Variants in PDE10A observed in about 807,000 individuals in gnomAD.
PDE10A encodes phosphodiesterase 10A.
A neutral mutation model predicts 97.7 loss-of-function variants in PDE10A; 39 were observed. The observed-to-expected ratio is 0.40, with a 90% CI of 0.31 to 0.52. The LOEUF (loss-of-function observed/expected upper bound fraction) is 0.52, where lower values mean the gene tolerates loss of function less well. PDE10A is among the 20% of genes least tolerant of loss of function. The pLI, the probability that PDE10A is intolerant of heterozygous loss-of-function variation, is 0.56. For synonymous variants in PDE10A, 371 were observed against 376.8 expected, an observed-to-expected ratio of 0.98 and a Z score of 0.18; for missense variants, 731 against 1,047.8, an observed-to-expected ratio of 0.70 and a Z score of 4.17.
intron 2 of PDE10A, among the ~76,000 whole-genome samples, chr6:165,525,111 T>C (rs1039942920): frequency 1.3e-5 from 2 of 152,142 alleles, no homozygotes; most frequent in African/African-American, 2.4e-5. Context: ...TCTAGACCTA[T>C]AATAGTCTGA....
chr6:165,815,673 G>T (rs762998894), intron 1 of PDE10A, among the ~76,000 whole-genome samples: 1 of 152,062 alleles, frequency 6.6e-6, no homozygotes, highest in Non-Finnish European at 1.5e-5. Flanking sequence ...CTTTTTTTCT[G>T]GTTTTTCCCC....
At chr6:165,942,322 A>G (rs576889813) in intron 1 of PDE10A, among the ~76,000 whole-genome samples, 77 of 151,496 alleles carry the variant, frequency 5.1e-4, no homozygotes, top group African/African-American at 1.4e-3. Flanking sequence ...ATATATGCGC[A>G]CACACACACA....
chr6:165,602,259 C>T (rs555240240), intron 1 of PDE10A, among the ~76,000 whole-genome samples: 2 of 152,300 alleles, frequency 1.3e-5, no homozygotes, highest in East Asian at 3.9e-4. Flanking sequence ...TCCTGTCTTC[C>T]TAGTTCTAAT....
At chr6:165,861,138 C>G (rs1319291113) in intron 1 of PDE10A, among the ~76,000 whole-genome samples, 1 of 152,208 alleles carries the variant, frequency 6.6e-6, no homozygotes, top group East Asian at 1.9e-4. Flanking sequence ...CAACTGGAAA[C>G]AGCATTGATG....
At chr6:165,721,601 C>A (rs1459774213) in intron 1 of PDE10A, among the ~76,000 whole-genome samples, 1 of 152,170 alleles carries the variant, frequency 6.6e-6, no homozygotes, top group Non-Finnish European at 1.5e-5. Flanking sequence ...GATGCTTTTT[C>A]TGGTAAACAG....
Position 165,330,743 on chromosome 6 carries a change from T to C in PDE10A, c.*2282A>G, listed in dbSNP as rs1247123040. The stretch of plus-strand genomic sequence containing the variant: ...GATTCCTAACTCCATAATTATTTTC[T>C]ATATTAAAAAACAGAATTCATACAT... On this transcript the variant is annotated 3_prime_UTR_variant, in exon 22 of 22. Coordinates refer to ENST00000539869, the MANE Select transcript of PDE10A (RefSeq NM_001385079.1). 1 of 152,180 alleles carries C rather than the reference T, an allele frequency of 6.6e-6. No homozygotes were observed. Among genetic ancestry groups the C allele is most frequent in the Non-Finnish European group, 1.5e-5 (1 of 68,008 alleles). 9.4% of individuals were successfully genotyped at this position (152,180 alleles called of 1,614,324 possible). A position where few individuals can be genotyped will look rare whatever the true frequency, so the allele number is the denominator to read the frequency against.
intron 10 of PDE10A, among the ~76,000 whole-genome samples, chr6:165,419,447 G>C (rs3778249): frequency 1.3e-5 from 2 of 152,000 alleles, no homozygotes; most frequent in East Asian, 3.9e-4. Context: ...CCCATTGTAC[G>C]TATTAGGAAA....
chr6:165,465,631 T>G (rs1049565514), intron 3 of PDE10A, among the ~76,000 whole-genome samples: 18 of 152,234 alleles, frequency 1.2e-4, no homozygotes, highest in East Asian at 9.7e-4. Context: ...AAACTTACAA[T>G]CATAGTGGAA....
rs143511478 is a variant in PDE10A, at chr6:165,606,817, C to T, written c.865+55130G>A. Among the ~76,000 whole-genome samples the T allele has an allele frequency of 2.8e-4, 43 of 152,060 alleles. No homozygotes were observed. The East Asian group carries it at 5.4e-3, about 19-fold the overall frequency. On this transcript the variant is annotated intron_variant, in intron 1 of 21. Coordinates refer to ENST00000539869, the MANE Select transcript of PDE10A (RefSeq NM_001385079.1). The stretch of plus-strand genomic sequence containing the variant: ...ACTGGACCATGGAGTGCGTGCAGTG[C>T]GTGCAGGGGCTTAGGTGGAAGAACA...
At chr6:165,970,373 T>C (rs1784632193) in intron 1 of PDE10A, among the ~76,000 whole-genome samples, 1 of 152,206 alleles carries the variant, frequency 6.6e-6, no homozygotes, top group African/African-American at 2.4e-5. Context: ...TTGGTAGTTG[T>C]AAGGTGATCA....
At chr6:165,497,452 A>G (rs1420271782) in intron 2 of PDE10A, among the ~76,000 whole-genome samples, 1 of 152,220 alleles carries the variant, frequency 6.6e-6, no homozygotes, top group Non-Finnish European at 1.5e-5. Context: ...ATGAATATAT[A>G]TACTAGTATA....
chr6:165,382,774 C>A (rs943510179), intron 17 of PDE10A, among the ~76,000 whole-genome samples: 4 of 151,978 alleles, frequency 2.6e-5, no homozygotes, highest in African/African-American at 7.3e-5. Context: ...TCTACCAGTA[C>A]AACTTCCACA....
chr6:165,626,384 T>C (rs1296091157), intron 1 of PDE10A, among the ~76,000 whole-genome samples: 1 of 152,216 alleles, frequency 6.6e-6, no homozygotes, highest in Admixed American at 6.5e-5. Context: ...ATGCAGATTA[T>C]TGATGTTAAC....
chr6:165,485,669 T>C (rs1779872772), intron 2 of PDE10A, among the ~76,000 whole-genome samples: 2 of 150,706 alleles, frequency 1.3e-5, no homozygotes, highest in Admixed American at 1.3e-4. Context: ...CTCAGCTCAC[T>C]GCAACCTCTG....
Position 165,656,236 on chromosome 6 carries a change from A to ACT in PDE10A, c.865+5709_865+5710dup, listed in dbSNP as rs750085509. 8.2e-3 allele frequency among the ~76,000 whole-genome samples: 1,029 copies of ACT among 125,844 alleles called. 13 individuals carry two copies. Among genetic ancestry groups the ACT allele is most frequent in the African/African-American group, 0.029 (918 of 31,672 alleles). 82.6% of individuals were successfully genotyped at this position (125,844 alleles called of 152,430 possible). A position where few individuals can be genotyped will look rare whatever the true frequency, so the allele number is the denominator to read the frequency against. On this transcript the variant is annotated intron_variant, in intron 1 of 21. Transcript: ENST00000539869. ...TGGAACTACTCCCATTCCAACCCCA[A>ACT]CTCTCTCTCTCTCTCTCTCTCTCAC... is the stretch of plus-strand genomic sequence containing the variant.
At chr6:165,867,584 C>T (rs139496133) in intron 1 of PDE10A, among the ~76,000 whole-genome samples, 5 of 152,088 alleles carry the variant, frequency 3.3e-5, no homozygotes, top group Admixed American at 1.3e-4. Context: ...TAATTAGGGA[C>T]TTCTACATCT....
At chr6:165,921,801 G>A (rs577815273) in intron 1 of PDE10A, among the ~76,000 whole-genome samples, 29 of 152,326 alleles carry the variant, frequency 1.9e-4, no homozygotes, top group Non-Finnish European at 3.5e-4. Context: ...GCTACACCAC[G>A]TAGGGTCTTG....
chr6:165,422,005 A>C (rs886733927), intron 10 of PDE10A, among the ~76,000 whole-genome samples: 1 of 152,138 alleles, frequency 6.6e-6, no homozygotes, highest in Non-Finnish European at 1.5e-5. Context: ...CAGAGGTTGC[A>C]GTGAGCAGAG....
intron 1 of PDE10A, among the ~76,000 whole-genome samples, chr6:165,635,799 C>A (rs1212045326): frequency 1.3e-5 from 2 of 152,068 alleles, no homozygotes; most frequent in Non-Finnish European, 2.9e-5. Context: ...ATAAAGGTAC[C>A]TTTAATAACG....
Sources: gnomAD v4.1 joint callset for allele counts (sites outside exome capture counted in the v4.1 genomes callset) on GRCh38, gnomAD v4.1.1 for gene constraint, MANE v1.5 for transcripts, NCBI Gene and HGNC (gene_info 2026-07-23, HGNC 2026-07-21) for gene names.